TACC2: variants seen among roughly 807,000 people sequenced by gnomAD.
TACC2 encodes transforming acidic coiled-coil containing protein 2, also known as transforming acidic coiled-coil-containing protein 2.
Under a neutral mutation model 227.3 loss-of-function variants are expected in TACC2, and 137 were observed. The ratio of observed to expected loss-of-function variants is 0.60; its 90% CI spans 0.52 to 0.69. The LOEUF (loss-of-function observed/expected upper bound fraction) is 0.69, where lower values mean the gene tolerates loss of function less well. Ranked by LOEUF, TACC2 falls within the 30% of genes least tolerant of loss-of-function variation. TACC2 has a pLI of 0.00. For synonymous variants in TACC2, 1,523 were observed against 1,487.5 expected, an observed-to-expected ratio of 1.02 and a Z score of -0.55; for missense variants, 3,470 against 3,694.4, an observed-to-expected ratio of 0.94 and a Z score of 1.57.
At chr10:122,028,342 G>A (rs993128746) in intron 2 of TACC2, among the ~76,000 whole-genome samples, 1 of 151,838 alleles carries the variant, frequency 6.6e-6, no homozygotes, top group Admixed American at 6.6e-5. Context: ...AGCCTGTCTC[G>A]GCCTCCCAAA....
At chr10:122,247,825 G>C (rs926669138) in intron 19 of TACC2, 3 of 152,176 alleles carry the variant, frequency 2.0e-5, no homozygotes, top group Non-Finnish European at 4.4e-5. Context: ...AGGCTCATTA[G>C]AAATCTGTAC....
At chr10:122,101,598 C>T (rs372793314) in intron 5 of TACC2, among the ~76,000 whole-genome samples, 26 of 133,528 alleles carry the variant, frequency 1.9e-4, no homozygotes, top group African/African-American at 7.3e-4. Context: ...CTTGCTCTGT[C>T]GCCCAGGCTG....
chr10:122,157,199 A>G (rs1303697121), intron 7 of TACC2, among the ~76,000 whole-genome samples: 2 of 152,226 alleles, frequency 1.3e-5, no homozygotes, highest in Non-Finnish European at 2.9e-5. Flanking sequence ...TGTTGATGAC[A>G]TTGTCCTAAT....
chr10:122,085,958 C>A lies in TACC2; in HGVS notation c.3458C>A (p.Ala1153Asp), dbSNP rs138892486. The A allele has an allele frequency of 1.0e-4, 163 of 1,613,702 alleles. No homozygotes were observed. In the African/African-American group the frequency reaches 2.0e-3, roughly 20 times the overall value. ...KQQAPEKPGE[A>D]TLSCGLLQTE... ...CAGGCTCCGGAGAAACCTGGAGAAG[C>A]TACTTTGAGTTGTGGCCTCCTTCAG... Residue 1153 changes from alanine (A) to aspartate (D), a missense_variant, in exon 4 of 23, where the codon GCT becomes GAT. Coordinates refer to ENST00000369005, the MANE Select transcript of TACC2 (RefSeq NM_206862.4).
At chr10:122,110,307 T>C (rs2083440164) in intron 5 of TACC2, among the ~76,000 whole-genome samples, 1 of 152,164 alleles carries the variant, frequency 6.6e-6, no homozygotes, top group Admixed American at 6.5e-5. Flanking sequence ...CTCTGTACCA[T>C]TACTGCATTG....
At chr10:122,092,715 GT>G (rs749823024) in intron 5 of TACC2, among the ~76,000 whole-genome samples, 16 of 152,276 alleles carry the variant, frequency 1.1e-4, no homozygotes, top group Middle Eastern at 3.4e-3. Flanking sequence ...ACCCATGGGG[GT>G]CTGTGTGTCC....
At chr10:122,018,035 T>G (rs1956910586) in intron 1 of TACC2, among the ~76,000 whole-genome samples, 1 of 149,988 alleles carries the variant, frequency 6.7e-6, no homozygotes. Flanking sequence ...AGGATACATG[T>G]GCAGAACGTG....
chr10:122,151,614 A>G (rs570835634), intron 7 of TACC2, among the ~76,000 whole-genome samples: 1 of 152,158 alleles, frequency 6.6e-6, no homozygotes, highest in East Asian at 1.9e-4. Context: ...TCTCTTTTCA[A>G]GCAGGGGAGA....
chr10:122,101,938 C>T (rs1233521421), intron 5 of TACC2, among the ~76,000 whole-genome samples: 1 of 151,838 alleles, frequency 6.6e-6, no homozygotes, highest in East Asian at 1.9e-4. Flanking sequence ...TACCCGAGGC[C>T]TGCTGAGTTG....
At position 122,143,636 on chromosome 10, in the gene TACC2, T is replaced by A. The variant is rs1273901341; in HGVS notation, c.5764T>A (p.Ser1922Thr). The A allele has an allele frequency of 6.2e-7, 1 of 1,614,114 alleles. No individual in the cohort carries two copies. The highest frequency in any genetic ancestry group is 1.7e-5 in the Admixed American group (1 of 60,022). ...PSAAEHIVSP[S>T]APAGDRVEAS... ...GGCTGCAGAACACATAGTTTCGCCA[T>A]CTGCCCCAGCTGGTGACAGAGTAGA... Residue 1922 changes from serine to threonine, a missense_variant, in exon 7 of 23, where the codon TCT (serine) becomes ACT (threonine). By Grantham distance (58) the Ser-to-Thr change is moderately conservative. Coordinates refer to ENST00000369005, the MANE Select transcript of TACC2 (RefSeq NM_206862.4).
Position 122,211,301 on chromosome 10 carries a change from G to A in TACC2, c.6876G>A (p.Lys2292=). The A allele has an allele frequency of 1.9e-6, 3 of 1,614,076 alleles. No homozygotes were observed. The highest frequency in any genetic ancestry group is 4.5e-5 in the East Asian group (2 of 44,870). ...NPPPTKKIGK[K]PVAKMPLRRP... The stretch of plus-strand genomic sequence containing the variant: ...CTCCTACCAAAAAGATAGGCAAAAA[G>A]CCAGTTGCCAAAATGCCCCTGAGGA... The change falls in exon 9 of 23, where the codon AAG becomes AAA. Residue 2292 remains lysine, a synonymous_variant. Transcript: ENST00000369005.
intron 1 of TACC2, among the ~76,000 whole-genome samples, chr10:122,012,328 G>A (rs537174266): frequency 2.6e-4 from 38 of 148,684 alleles, no homozygotes; most frequent in East Asian, 8.3e-4. Flanking sequence ...GCTGAGGCTG[G>A]AGAATCGCTT....
At chr10:122,080,547 T>C (rs1314120379) in intron 3 of TACC2, among the ~76,000 whole-genome samples, 2 of 152,136 alleles carry the variant, frequency 1.3e-5, no homozygotes, top group Admixed American at 6.6e-5. Flanking sequence ...CCTCTTCTTA[T>C]AAAGAACACC....
chr10:122,043,462 TTTC>T lies in TACC2; in HGVS notation c.34-6973_34-6971del, dbSNP rs2074554216. Among the ~76,000 whole-genome samples, 4 of 151,216 alleles carry T rather than the reference TTTC, an allele frequency of 2.6e-5. No individual in the cohort carries two copies. In the South Asian group the frequency reaches 8.4e-4, roughly 32 times the overall value. On this transcript the variant is annotated intron_variant, in intron 2 of 22. Coordinates refer to ENST00000369005, the MANE Select transcript of TACC2 (RefSeq NM_206862.4). ...AGATTTCTTTCTTTCTTTCTTTCTC[TTTC>T]TTTCTTTCTTTTTCTCTTTCTTTTT...
chr10:122,218,884 T>C (rs2095466248), intron 11 of TACC2, among the ~76,000 whole-genome samples: 1 of 151,998 alleles, frequency 6.6e-6, no homozygotes, highest in Non-Finnish European at 1.5e-5. Flanking sequence ...TATCTGGGCA[T>C]GCTGGTGTGT....
chr10:122,080,353 C>T (rs949881964), intron 3 of TACC2, among the ~76,000 whole-genome samples: 1 of 151,994 alleles, frequency 6.6e-6, no homozygotes, highest in Non-Finnish European at 1.5e-5. Context: ...CCACGTCAGC[C>T]TCCTGAGTAG....
At position 122,141,844 on chromosome 10, in the gene TACC2, A is replaced by G. The variant is rs982460933; in HGVS notation, c.5700-1728A>G. ...TGTGTGGTGGAGGGGGGAGCACAGCAGTGTAATTTCTTGAGAAAGCGAAGT... is the reference window on the plus strand; with the variant it reads ...TGTGTGGTGGAGGGGGGAGCACAGCGGTGTAATTTCTTGAGAAAGCGAAGT... On this transcript the variant is annotated intron_variant, in intron 6 of 22. Coordinates refer to ENST00000369005, the MANE Select transcript of TACC2 (RefSeq NM_206862.4). The surrounding 1 kb of genome is among the most constrained non-coding windows in gnomAD (Gnocchi z 4.3). Among the ~76,000 whole-genome samples the G allele has an allele frequency of 1.3e-5, 2 of 152,166 alleles. No individual in the cohort carries two copies. The highest frequency in any genetic ancestry group is 1.9e-4 in the East Asian group (1 of 5,192).
chr10:122,016,273 GAA>G (rs67951878), intron 1 of TACC2, among the ~76,000 whole-genome samples: 63 of 122,870 alleles, frequency 5.1e-4, no homozygotes, highest in South Asian at 1.2e-3. Flanking sequence ...AAAAAAAAAG[GAA>G]AAAAAAAAAA....
rs781250337 is a variant in TACC2 at position 122,082,811 on chromosome 10, G to A, written c.311G>A (p.Arg104Gln). ...LLPSPPPSQE[R>Q]EHPSSSMPFA... ...CCCAGCCCACCACCGTCCCAGGAGCGAGAGCACCCCTCGTCCTCCATGCCC... is the reference window on the plus strand; with the variant it reads ...CCCAGCCCACCACCGTCCCAGGAGCAAGAGCACCCCTCGTCCTCCATGCCC... The change falls in exon 4 of 23, where the codon CGA becomes CAA. Residue 104 changes from arginine (R) to glutamine (Q), a missense_variant. Coordinates refer to ENST00000369005, the MANE Select transcript of TACC2 (RefSeq NM_206862.4). 6 of 1,613,626 alleles carry A rather than the reference G, an allele frequency of 3.7e-6. No individual in the cohort carries two copies. Among genetic ancestry groups the A allele is most frequent in the East Asian group, 2.2e-5 (1 of 44,858 alleles).
Sources: allele counts gnomAD v4.1 joint callset (sites outside exome capture counted in the v4.1 genomes callset), GRCh38; gene constraint gnomAD v4.1.1; non-coding constraint Gnocchi (gnomAD v3.1); transcripts MANE v1.5; gene names NCBI Gene and HGNC (gene_info 2026-07-23, HGNC 2026-07-21).